VPS18: variants seen among roughly 807,000 people sequenced by gnomAD.
The protein encoded by VPS18 is vacuolar protein sorting-associated protein 18 homolog.
A neutral mutation model predicts 82.0 loss-of-function variants in VPS18; 25 were observed. That is an observed-to-expected ratio of 0.30 (90% CI 0.22 to 0.43). VPS18 has a LOEUF of 0.43. Ranked by LOEUF, VPS18 falls within the 20% of genes least tolerant of loss-of-function variation. The probability of loss-of-function intolerance (pLI) is 1.00; values close to 1 mark genes in which losing one functional copy is unlikely to be tolerated. For synonymous variants in VPS18, 523 were observed against 543.0 expected (o/e 0.96, Z 0.51); for missense variants, 1,168 against 1,311.1 (o/e 0.89, Z 1.69).
Position 40,900,090 on chromosome 15 carries a change from G to A in VPS18, c.1272G>A (p.Thr424=), listed in dbSNP as rs376819568. 2.4e-5 allele frequency: 38 copies of A among 1,613,742 alleles called. No homozygotes were observed. The highest frequency in any genetic ancestry group is 3.0e-5 in the Non-Finnish European group (35 of 1,180,036). Reference sequence around the variant, plus strand: ...GAGAGCGGCCCGACTGCCTGGACACGGTCCTGGCCCGGGAGGCCGATTTCT... The same window carrying A: ...GAGAGCGGCCCGACTGCCTGGACACAGTCCTGGCCCGGGAGGCCGATTTCT... ...YCRERPDCLD[T]VLAREADFCF... is the part of the protein sequence containing the mutation. Residue 424 remains threonine (T), a synonymous_variant, in exon 4 of 5, where the codon ACG becomes ACA. Transcript: ENST00000220509. This position sits in a 1 kb window ranked among gnomAD's most constrained non-coding sequence, Gnocchi z 5.4.
chr15:40,901,529 T>C (rs892822474), intron 4 of VPS18, among the ~76,000 whole-genome samples: 3 of 145,892 alleles, frequency 2.1e-5, no homozygotes, highest in Non-Finnish European at 3.0e-5. Context: ...AGAGGTTGCA[T>C]TGAGCTGAGA....
Position 40,900,649 on chromosome 15 carries a change from G to C in VPS18, c.1831G>C (p.Val611Leu), listed in dbSNP as rs753492633. Residue 611 changes from valine to leucine, a missense_variant, in exon 4 of 5, where the codon GTA becomes CTA. Physicochemically the swap from Val to Leu is conservative, Grantham distance 32. Transcript: ENST00000220509. This position sits in a 1 kb window ranked among gnomAD's most constrained non-coding sequence, Gnocchi z 5.4. ...ILIRHIPRQLVDAWIEMGSRL... is the reference protein window; with the variant it reads ...ILIRHIPRQLLDAWIEMGSRL... ...CATCCGTCACATCCCCCGCCAGCTT[G>C]TAGATGCCTGGATTGAGATGGGCAG... 1 of 1,614,170 alleles carries C rather than the reference G, an allele frequency of 6.2e-7. No homozygotes were observed. Among genetic ancestry groups the C allele is most frequent in the Non-Finnish European group, 8.5e-7 (1 of 1,180,048 alleles).
Position 40,903,374 on chromosome 15 carries a change from G to T in VPS18, c.*33G>T. ...TCACCTTTGATGGGGGGTGGGCAAT[G>T]GGGAGCAGTGGCTTGAACCCACTTG... On this transcript the variant is annotated 3_prime_UTR_variant, in exon 5 of 5. Coordinates refer to ENST00000220509, the MANE Select transcript of VPS18 (RefSeq NM_020857.3). The T allele has an allele frequency of 6.6e-7, 1 of 1,515,518 alleles. No individual in the cohort carries two copies. The highest frequency in any genetic ancestry group is 8.8e-7 in the Non-Finnish European group (1 of 1,132,984). 93.9% of individuals were successfully genotyped at this position (1,515,518 alleles called of 1,614,324 possible). A position where few individuals can be genotyped will look rare whatever the true frequency, so the allele number is the denominator to read the frequency against.
Position 40,902,639 on chromosome 15 carries a change from G to T in VPS18, c.2220G>T (p.Gln740His). 6.2e-7 allele frequency: 1 copy of T among 1,613,410 alleles called. No homozygotes were observed. ...AGGTGGATGTGGACCTGGCCAAGCA[G>T]TGTGCAGACCTGCCTGAGGAGGATG... ...ALQVDVDLAK[Q>H]CADLPEEDEE... Residue 740 changes from glutamine to histidine, a missense_variant, in exon 5 of 5, where the codon CAG becomes CAT. Physicochemically the swap from Gln to His is conservative, Grantham distance 24. Around this residue, in one of 3 missense-constraint regions of VPS18, gnomAD observed 296 missense variants for 354.0 expected, o/e 0.84. Coordinates refer to ENST00000220509, the MANE Select transcript of VPS18 (RefSeq NM_020857.3). The surrounding 1 kb of genome is among the most constrained non-coding windows in gnomAD (Gnocchi z 4.2).
Position 40,894,533 on chromosome 15 carries a change from G to A in VPS18, c.-236G>A, listed in dbSNP as rs1892194003. 5.0e-6 allele frequency: 2 copies of A among 402,918 alleles called. No individual in the cohort carries two copies. The highest frequency in any genetic ancestry group is 2.1e-5 in the African/African-American group (1 of 48,420). 25.0% of individuals were successfully genotyped at this position (402,918 alleles called of 1,614,324 possible). A position where few individuals can be genotyped will look rare whatever the true frequency, so the allele number is the denominator to read the frequency against. ...GTGATTTTTTTGTAGCGGGGGCGGG[G>A]AGTAAGGTGCAAGACTGCGCCAGAT... is the stretch of plus-strand genomic sequence containing the variant. On this transcript the variant is annotated 5_prime_UTR_variant, in exon 1 of 5. Coordinates refer to ENST00000220509, the MANE Select transcript of VPS18 (RefSeq NM_020857.3).
chr15:40,896,450 T>C (rs1428141643), intron 2 of VPS18, among the ~76,000 whole-genome samples: 1 of 151,164 alleles, frequency 6.6e-6, no homozygotes, highest in Non-Finnish European at 1.5e-5. Flanking sequence ...GGCAAGAGGA[T>C]CACTTGAGCC....
chr15:40,899,009 G>A lies in VPS18; in HGVS notation c.325+11G>A. The A allele has an allele frequency of 6.2e-7, 1 of 1,613,958 alleles. No homozygotes were observed. Among genetic ancestry groups the A allele is most frequent in the Non-Finnish European group, 8.5e-7 (1 of 1,179,934 alleles). On this transcript the variant is annotated intron_variant, in intron 3 of 4. Transcript: ENST00000220509. The surrounding 1 kb of genome is among the most constrained non-coding windows in gnomAD (Gnocchi z 4.4). ...TCCTTGACCATACTGGTAAGTAACA[G>A]TGGAGATCTGAGGAGGGGGTCTCTG...
In VPS18 at chr15:40,903,096, G is replaced by T. The variant is rs777329621; in HGVS notation, c.2677G>T (p.Ala893Ser). 45 of 1,613,358 alleles carry T rather than the reference G, an allele frequency of 2.8e-5. No individual in the cohort carries two copies. Among genetic ancestry groups the T allele is most frequent in the Middle Eastern group, 1.6e-4 (1 of 6,076 alleles). The change falls in exon 5 of 5, where the codon GCC becomes TCC. Residue 893 changes from alanine to serine, a missense_variant. Physicochemically the swap from Ala to Ser is moderately conservative, Grantham distance 99 (BLOSUM62 1). This residue lies in a region of VPS18 where 296 missense variants were observed against 354.0 expected (regional missense o/e 0.84). Transcript: ENST00000220509. ...ACCTGGCCTGCCAGCCTACAAGCAG[G>T]CCCGGCTGGAGGAGCTGCAGAGGAA... ...VRPGLPAYKQ[A>S]RLEELQRKLG...
chr15:40,900,592 C>T lies in VPS18; in HGVS notation c.1774C>T (p.Pro592Ser). The T allele has an allele frequency of 1.2e-6, 2 of 1,613,998 alleles. No homozygotes were observed. The highest frequency in any genetic ancestry group is 1.1e-5 in the South Asian group (1 of 91,086). ...GGCCGTGCTCGCCCGCCACCGTGAC[C>T]CCCAGCTCTTCTACAAGTTCTCACC... ...ALAVLARHRDPQLFYKFSPIL... is the reference protein window; with the variant it reads ...ALAVLARHRDSQLFYKFSPIL... The change falls in exon 4 of 5, where the codon CCC becomes TCC. Residue 592 changes from proline to serine, a missense_variant. Physicochemically the swap from Pro to Ser is moderately conservative, Grantham distance 74 (BLOSUM62 -1). This residue lies in a region of VPS18 where 868 missense variants were observed against 939.8 expected (regional missense o/e 0.92). Transcript: ENST00000220509. The surrounding 1 kb of genome is among the most constrained non-coding windows in gnomAD (Gnocchi z 5.4).
intron 2 of VPS18, chr15:40,898,584 C>A: frequency 2.6e-6 from 1 of 384,558 alleles, no homozygotes; most frequent in Non-Finnish European, 4.9e-6. Flanking sequence ...TGATCTCCCA[C>A]CTCAGCCTCC....
In VPS18 at chr15:40,902,690, G is replaced by A; in HGVS notation, c.2271G>A (p.Leu757=). ...AGGAATTGCGCAAGAAGCTGTGGCTGAAGATCGCACGGCACGTGGTGCAGG... is the reference window on the plus strand; with the variant it reads ...AGGAATTGCGCAAGAAGCTGTGGCTAAAGATCGCACGGCACGTGGTGCAGG... The part of the protein sequence containing the change: ...EDEELRKKLW[L]KIARHVVQEE... Residue 757 remains leucine, a synonymous_variant, in exon 5 of 5, where the codon CTG becomes CTA. Coordinates refer to ENST00000220509, the MANE Select transcript of VPS18 (RefSeq NM_020857.3). The surrounding 1 kb of genome is among the most constrained non-coding windows in gnomAD (Gnocchi z 4.2). 1 of 1,614,284 alleles carries A rather than the reference G, an allele frequency of 6.2e-7. No homozygotes were observed. Among genetic ancestry groups the A allele is most frequent in the South Asian group, 1.1e-5 (1 of 91,092 alleles).
In VPS18 at chr15:40,894,808, C is replaced by A; in HGVS notation, c.40C>A (p.Arg14Ser). 1 of 1,555,086 alleles carries A rather than the reference C, an allele frequency of 6.4e-7. No homozygotes were observed. The highest frequency in any genetic ancestry group is 1.2e-5 in the South Asian group (1 of 84,308). ...ILDEYENSLS[R>S]SAVLQPGCPS... is the part of the protein sequence containing the mutation. ...GGATGAGTACGAGAACTCGCTGTCC[C>A]GCTCGGCCGTCTTGCAGCCCGGCTG... Residue 14 changes from arginine (R) to serine (S), a missense_variant, in exon 1 of 5, where the codon CGC becomes AGC. Arg to Ser is a moderately radical substitution (Grantham distance 110). Transcript: ENST00000220509.
Position 40,897,569 on chromosome 15 carries a change from T to A in VPS18, c.234-1338T>A, listed in dbSNP as rs138729046. ...GAGTTTGAGAAGAAAATTAAGTCATTCTTTATACATCTTTGCATCGATTCT... is the reference window on the plus strand; with the variant it reads ...GAGTTTGAGAAGAAAATTAAGTCATACTTTATACATCTTTGCATCGATTCT... On this transcript the variant is annotated intron_variant, in intron 2 of 4. Transcript: ENST00000220509. 2.8e-3 allele frequency among the ~76,000 whole-genome samples: 427 copies of A among 152,306 alleles called. 2 individuals are homozygous for A. Among genetic ancestry groups the A allele is most frequent in the African/African-American group, 9.8e-3 (408 of 41,582 alleles).
rs8033990 is a variant in VPS18 at position 40,894,679 on chromosome 15, C to A, written c.-90C>A. On this transcript the variant is annotated 5_prime_UTR_variant, in exon 1 of 5. Transcript: ENST00000220509. ...GGATCTGTCAGAGGCTGGGGAGTTA[C>A]AGCTTCCATTCTGGGGCGACGGGGA... The A allele has an allele frequency of 8.5e-6, 11 of 1,300,712 alleles. No individual in the cohort carries two copies. The highest frequency in any genetic ancestry group is 1.1e-5 in the Non-Finnish European group (11 of 962,680). The allele number at this position is 1,300,712 out of a possible 1,614,324, so 80.6% of individuals were successfully genotyped here.
Position 40,903,203 on chromosome 15 carries a change from C to T in VPS18, c.2784C>T (p.Ser928=). ...GTGGGGCTGCCACGGCAGGGCCCAGCCGGGAACAGCTCAAGGCTGACCTGG... is the reference window on the plus strand; with the variant it reads ...GTGGGGCTGCCACGGCAGGGCCCAGTCGGGAACAGCTCAAGGCTGACCTGG... The part of the protein sequence containing the change: ...AEGGAATAGP[S]REQLKADLDE... The change falls in exon 5 of 5, where the codon AGC becomes AGT. Residue 928 remains serine (S), a synonymous_variant. Transcript: ENST00000220509. 1 of 1,610,606 alleles carries T rather than the reference C, an allele frequency of 6.2e-7. No individual in the cohort carries two copies. The highest frequency in any genetic ancestry group is 2.2e-5 in the East Asian group (1 of 44,776).
intron 1 of VPS18, 142 bp from the exon 2 acceptor site, chr15:40,895,795 TA>T (rs1373144136): frequency 8.8e-7 from 1 of 1,134,060 alleles, no homozygotes; most frequent in Non-Finnish European, 1.3e-6. Flanking sequence ...AACGACTTGA[TA>T]TCAAACTATT....
At position 40,894,625 on chromosome 15, in the gene VPS18, A is replaced by T; in HGVS notation, c.-144A>T. ...AGAGCAAGAGGATCCTCAGGATTTT[A>T]AAGAGGAGGCGACGGCTGCAGGTTC... On this transcript the variant is annotated 5_prime_UTR_variant, in exon 1 of 5. Transcript: ENST00000220509. 5.9e-6 allele frequency: 4 copies of T among 683,008 alleles called. No homozygotes were observed. The highest frequency in any genetic ancestry group is 9.4e-6 in the Non-Finnish European group (4 of 425,456). The allele number at this position is 683,008 out of a possible 1,614,324, so 42.3% of individuals were successfully genotyped here.
chr15:40,895,850 C>A, intron 1 of VPS18, 88 bp from the exon 2 acceptor site: 4 of 1,552,658 alleles, frequency 2.6e-6, no homozygotes, highest in East Asian at 2.3e-5. Context: ...AGGAAAGTGG[C>A]GAGGAGCACT....
At position 40,899,452 on chromosome 15, in the gene VPS18, C is replaced by A. The variant is rs139217686; in HGVS notation, c.634C>A (p.Arg212=). Residue 212 remains arginine (R), a synonymous_variant, in exon 4 of 5, where the codon CGG becomes AGG. Coordinates refer to ENST00000220509, the MANE Select transcript of VPS18 (RefSeq NM_020857.3). This position sits in a 1 kb window ranked among gnomAD's most constrained non-coding sequence, Gnocchi z 4.4. ...PAPVCSLEAE[R]GPDGRSFVIA... is the part of the protein sequence containing the mutation. ...ACCTGTGTGCTCCCTTGAGGCCGAG[C>A]GGGGCCCTGATGGGCGTAGCTTTGT... 2 of 1,606,374 alleles carry A rather than the reference C, an allele frequency of 1.2e-6. No individual in the cohort carries two copies. Among genetic ancestry groups the A allele is most frequent in the African/African-American group, 2.7e-5 (2 of 74,762 alleles).
Sources: allele counts gnomAD v4.1 joint callset (sites outside exome capture counted in the v4.1 genomes callset), GRCh38; gene constraint gnomAD v4.1.1; regional missense constraint gnomAD v4.1.1; non-coding constraint Gnocchi (gnomAD v3.1); transcripts MANE v1.5; gene names NCBI Gene and HGNC (gene_info 2026-07-23, HGNC 2026-07-21).